Variants in PIK3CB observed in about 807,000 individuals in gnomAD.
The protein encoded by PIK3CB is phosphatidylinositol 4,5-bisphosphate 3-kinase catalytic subunit beta isoform.
PIK3CB carries 39 observed loss-of-function variants against 136.8 expected under a neutral mutation model. That is an observed-to-expected ratio of 0.29 (90% confidence interval 0.22 to 0.37). PIK3CB has a LOEUF of 0.37. Among genes scored for constraint, PIK3CB ranks in the 10% least tolerant of loss-of-function variants. The pLI is 1.00. For missense variants in PIK3CB, 868 were observed against 1,275.4 expected (o/e 0.68, Z 4.87); for synonymous variants, 428 against 436.6 (o/e 0.98, Z 0.25).
At chr3:138,822,272 G>A (rs536102439) in intron 1 of PIK3CB, among the ~76,000 whole-genome samples, 95 of 151,044 alleles carry the variant, frequency 6.3e-4, no homozygotes, top group African/African-American at 2.1e-3. Flanking sequence ...GGTGGCTCAC[G>A]CCTATAATCC....
At chr3:138,793,992 C>T (rs1314981466) in intron 2 of PIK3CB, among the ~76,000 whole-genome samples, 6 of 152,048 alleles carry the variant, frequency 3.9e-5, no homozygotes, top group Admixed American at 6.6e-5. Flanking sequence ...GATGGAGTTT[C>T]GCTCTTGTTG....
intron 1 of PIK3CB, among the ~76,000 whole-genome samples, chr3:138,804,836 A>G (rs903379303): frequency 1.3e-5 from 2 of 152,188 alleles, no homozygotes; most frequent in South Asian, 2.1e-4. Context: ...CATCCTGGCT[A>G]ACATGGTGAA....
chr3:138,830,395 C>CA (rs1377227884), intron 1 of PIK3CB, among the ~76,000 whole-genome samples: 2 of 151,684 alleles, frequency 1.3e-5, no homozygotes, highest in African/African-American at 2.4e-5. Flanking sequence ...ACTAAAAATA[C>CA]AAAAAAACTA....
intron 1 of PIK3CB, among the ~76,000 whole-genome samples, chr3:138,815,265 G>A (rs1474414231): frequency 2.8e-5 from 4 of 143,668 alleles, no homozygotes; most frequent in Non-Finnish European, 6.0e-5. Flanking sequence ...GCTCAGGTGG[G>A]AGGATGCCTT....
At chr3:138,704,601 G>T in intron 11 of PIK3CB, 108 bp from the exon 12 acceptor site, 1 of 739,528 alleles carries the variant, frequency 1.4e-6, no homozygotes, top group Non-Finnish European at 2.4e-6. Flanking sequence ...GCATTGCTAT[G>T]CTTTGTAACA....
At chr3:138,758,743 C>G (rs904871432) in intron 3 of PIK3CB, among the ~76,000 whole-genome samples, 3 of 152,132 alleles carry the variant, frequency 2.0e-5, no homozygotes, top group African/African-American at 7.2e-5. Context: ...CATGTATATG[C>G]TGGTTTTTAC....
intron 19 of PIK3CB, among the ~76,000 whole-genome samples, chr3:138,677,276 CTTGAACTACTGATCTCA>C (rs1460044633): frequency 2.0e-5 from 3 of 152,028 alleles, no homozygotes; most frequent in Non-Finnish European, 4.4e-5. Context: ...TCAGGCTGGT[CTTGAACTACTGATCTCA>C]GGTGATCCAC....
At chr3:138,693,285 G>A (rs555208630) in intron 14 of PIK3CB, among the ~76,000 whole-genome samples, 17 of 152,150 alleles carry the variant, frequency 1.1e-4, no homozygotes, top group African/African-American at 3.6e-4. Context: ...TGGTAGAGAC[G>A]GGGCTTAACC....
chr3:138,712,674 C>G (rs1442712193), intron 9 of PIK3CB, among the ~76,000 whole-genome samples: 3 of 151,198 alleles, frequency 2.0e-5, no homozygotes, highest in Non-Finnish European at 4.4e-5. Context: ...TCAAGAGACT[C>G]TCCTGCCTCA....
chr3:138,829,719 G>A (rs923599325), intron 1 of PIK3CB, among the ~76,000 whole-genome samples: 11 of 152,058 alleles, frequency 7.2e-5, no homozygotes, highest in African/African-American at 2.7e-4. Flanking sequence ...CCCAGGAGGC[G>A]GAGGTTGCAG....
intron 11 of PIK3CB, among the ~76,000 whole-genome samples, chr3:138,705,174 C>G (rs393853): frequency 3.5e-5 from 2 of 57,062 alleles, no homozygotes; most frequent in African/African-American, 8.5e-5. Flanking sequence ...AAAAAAAAAA[C>G]AAAAAACAAA....
At chr3:138,717,784 G>A (rs138050134) in intron 8 of PIK3CB, among the ~76,000 whole-genome samples, 196 of 152,218 alleles carry the variant, frequency 1.3e-3, no homozygotes, top group African/African-American at 4.5e-3. Context: ...GAGAACATGC[G>A]GCATTTGGTT....
rs10605665 is a variant in PIK3CB at position 138,669,407 on chromosome 3, C to CAAAAAAAAAA, written c.2505-4214_2505-4205dup. Among the ~76,000 whole-genome samples, 2 of 81,448 alleles carry CAAAAAAAAAA rather than the reference C, an allele frequency of 2.5e-5. 1 individual carries two copies. Among genetic ancestry groups the CAAAAAAAAAA allele is most frequent in the African/African-American group, 9.9e-5 (2 of 20,214 alleles). 53.4% of individuals were successfully genotyped at this position (81,448 alleles called of 152,430 possible). A position where few individuals can be genotyped will look rare whatever the true frequency, so the allele number is the denominator to read the frequency against. On this transcript the variant is annotated intron_variant, in intron 19 of 23. Coordinates refer to ENST00000674063, the MANE Select transcript of PIK3CB (RefSeq NM_006219.3). ...GGGGTGATACAGTGAGACCCTGTTT[C>CAAAAAAAAAA]AAAAAAAAAAAAAAAAAAAGGGGGG...
At chr3:138,725,519 G>A (rs1398361796) in intron 8 of PIK3CB, among the ~76,000 whole-genome samples, 1 of 152,070 alleles carries the variant, frequency 6.6e-6, no homozygotes, top group Admixed American at 6.6e-5. Context: ...GGGCTCTATC[G>A]AATTTTTCTC....
intron 19 of PIK3CB, among the ~76,000 whole-genome samples, chr3:138,672,974 GA>G (rs959265322): frequency 1.4e-5 from 2 of 146,038 alleles, no homozygotes; most frequent in Non-Finnish European, 3.0e-5. Flanking sequence ...AGTCTAAGCA[GA>G]AAAAAAATAC....
At chr3:138,801,669 C>T (rs1334123522) in intron 1 of PIK3CB, among the ~76,000 whole-genome samples, 1 of 151,524 alleles carries the variant, frequency 6.6e-6, no homozygotes, top group Non-Finnish European at 1.5e-5. Context: ...AAGAGATCAT[C>T]CTGGCCAACA....
intron 10 of PIK3CB, among the ~76,000 whole-genome samples, chr3:138,710,886 G>A (rs1473095928): frequency 1.3e-5 from 2 of 151,726 alleles, no homozygotes; most frequent in East Asian, 2.0e-4. Context: ...AGATCGAGAC[G>A]ATCCTGGCTA....
intron 8 of PIK3CB, among the ~76,000 whole-genome samples, chr3:138,729,280 GAAA>G (rs150270268): frequency 7.9e-6 from 1 of 125,974 alleles, no homozygotes. Flanking sequence ...GACTCTCTCA[GAAA>G]AAAAAAAAAA....
rs1406602096 is a variant in PIK3CB at position 138,787,742 on chromosome 3, G to GA, written c.-17+8720dup. ...ATTCTTTTTTTTTTTTTTAAAGAAA[G>GA]AAAAAAAAATCTAGTTTGTTTAATT... On this transcript the variant is annotated intron_variant, in intron 2 of 23. Transcript: ENST00000674063. Among the ~76,000 whole-genome samples, 7 of 140,040 alleles carry GA rather than the reference G, an allele frequency of 5.0e-5. 1 individual carries two copies. Among genetic ancestry groups the GA allele is most frequent in the Admixed American group, 2.1e-4 (3 of 14,082 alleles). The allele number at this position is 140,040 out of a possible 152,430, so 91.9% of individuals were successfully genotyped here. A position where few individuals can be genotyped will look rare whatever the true frequency, so the allele number is the denominator to read the frequency against.
Sources: gnomAD v4.1 joint callset for allele counts (sites outside exome capture counted in the v4.1 genomes callset) on GRCh38, gnomAD v4.1.1 for gene constraint, MANE v1.5 for transcripts, NCBI Gene and HGNC (gene_info 2026-07-23, HGNC 2026-07-21) for gene names.